EFNB2: variants seen among roughly 807,000 people sequenced by gnomAD.
EFNB2 encodes ephrin-B2.
Under a neutral mutation model 32.1 loss-of-function variants are expected in EFNB2, and 5 were observed. The observed-to-expected ratio is 0.16, with a 90% CI of 0.08 to 0.33. EFNB2 has a LOEUF of 0.33. EFNB2 is among the 10% of genes least tolerant of loss of function. EFNB2 has a pLI of 1.00. For missense variants in EFNB2, 263 were observed against 422.6 expected (o/e 0.62, Z 3.31); for synonymous variants, 168 against 166.5 (o/e 1.01, Z -0.07).
intron 2 of EFNB2, among the ~76,000 whole-genome samples, chr13:106,509,416 G>C (rs1419340633): frequency 6.6e-6 from 1 of 151,974 alleles, no homozygotes; most frequent in Non-Finnish European, 1.5e-5. Flanking sequence ...TCAGATTTGG[G>C]GTTAAACCCA....
intron 2 of EFNB2, among the ~76,000 whole-genome samples, chr13:106,506,910 G>C (rs750810731): frequency 2.0e-5 from 3 of 152,088 alleles, no homozygotes; most frequent in Non-Finnish European, 4.4e-5. Flanking sequence ...TCAGGAACTC[G>C]GGTCTTCCAG....
rs1056688578 is a variant in EFNB2, at chr13:106,490,758, A to G, written c.*2282T>C. 6.6e-6 allele frequency: 1 copy of G among 151,822 alleles called. No individual in the cohort carries two copies. The highest frequency in any genetic ancestry group is 2.4e-5 in the African/African-American group (1 of 41,250). The allele number at this position is 151,822 out of a possible 1,614,324, so 9.4% of individuals were successfully genotyped here. ...AATATGATATAGATATATATAATATATATTGTAGATATATATTATACATAT... is the reference window on the plus strand; with the variant it reads ...AATATGATATAGATATATATAATATGTATTGTAGATATATATTATACATAT... On this transcript the variant is annotated 3_prime_UTR_variant, in exon 5 of 5. Transcript: ENST00000646441.
chr13:106,500,587 C>CTG (rs1878742534), intron 2 of EFNB2, among the ~76,000 whole-genome samples: 1 of 152,190 alleles, frequency 6.6e-6, no homozygotes, highest in South Asian at 2.1e-4. Flanking sequence ...GTCATGAAAA[C>CTG]CACAGAGTCG....
rs558118969 is a variant in EFNB2 at position 106,492,961 on chromosome 13, G to A, written c.*79C>T. ...TGTGCTTCAGTCAATTCTCCAGCAC[G>A]CGGGCTCTCAAACCCTCAAGGGAGG... On this transcript the variant is annotated 3_prime_UTR_variant, in exon 5 of 5. Transcript: ENST00000646441. This position sits in a 1 kb window ranked among gnomAD's most constrained non-coding sequence, Gnocchi z 5.1. The A allele has an allele frequency of 1.4e-5, 21 of 1,508,966 alleles. No individual in the cohort carries two copies. The highest frequency in any genetic ancestry group is 6.9e-5 in the African/African-American group (5 of 72,692). The allele number at this position is 1,508,966 out of a possible 1,614,324, so 93.5% of individuals were successfully genotyped here. A position where few individuals can be genotyped will look rare whatever the true frequency, so the allele number is the denominator to read the frequency against.
chr13:106,527,877 G>A (rs974271564), intron 1 of EFNB2, among the ~76,000 whole-genome samples: 1 of 152,236 alleles, frequency 6.6e-6, no homozygotes, highest in African/African-American at 2.4e-5. Context: ...CTTTAACCCT[G>A]TTTCTGATAG....
At chr13:106,532,387 G>C (rs1190851837) in intron 1 of EFNB2, among the ~76,000 whole-genome samples, 3 of 152,162 alleles carry the variant, frequency 2.0e-5, no homozygotes, top group African/African-American at 7.2e-5. Flanking sequence ...CATTACAAAT[G>C]AATTGTTCCA....
chr13:106,531,393 G>C (rs1021999217), intron 1 of EFNB2, among the ~76,000 whole-genome samples: 1 of 152,216 alleles, frequency 6.6e-6, no homozygotes, highest in Non-Finnish European at 1.5e-5. Flanking sequence ...GAATGTGGAT[G>C]TGAAAGCACT....
chr13:106,532,825 G>T (rs979703569), intron 1 of EFNB2, among the ~76,000 whole-genome samples: 2 of 151,716 alleles, frequency 1.3e-5, no homozygotes, highest in African/African-American at 2.4e-5. Context: ...ATCAGAATGG[G>T]GGGGGGGAGT....
At position 106,492,799 on chromosome 13, in the gene EFNB2, T is replaced by G; in HGVS notation, c.*241A>C. ...GGAGACGTGGGACGCGGCACAGCAGTCCGAATGGGCGTCTTCTGCACAGTC... is the reference window on the plus strand; with the variant it reads ...GGAGACGTGGGACGCGGCACAGCAGGCCGAATGGGCGTCTTCTGCACAGTC... On this transcript the variant is annotated 3_prime_UTR_variant, in exon 5 of 5. Transcript: ENST00000646441. The surrounding 1 kb of genome is among the most constrained non-coding windows in gnomAD (Gnocchi z 5.1). 2 of 484,382 alleles carry G rather than the reference T, an allele frequency of 4.1e-6. No homozygotes were observed. The highest frequency in any genetic ancestry group is 7.3e-6 in the Non-Finnish European group (2 of 272,716). The allele number at this position is 484,382 out of a possible 1,614,324, so 30.0% of individuals were successfully genotyped here.
chr13:106,519,133 C>T (rs1164283841), intron 1 of EFNB2: 2 of 152,124 alleles, frequency 1.3e-5, no homozygotes, highest in Admixed American at 6.5e-5. Context: ...CAAACAGGAA[C>T]TACCAGTTTC....
At chr13:106,506,834 A>G (rs1878967770) in intron 2 of EFNB2, 1 of 152,210 alleles carries the variant, frequency 6.6e-6, no homozygotes, top group Admixed American at 6.5e-5. Flanking sequence ...AGGTGCTGTC[A>G]TTATCCCCAC....
rs756424821 is a variant in EFNB2, at chr13:106,493,031, G to C, written c.*9C>G. The C allele has an allele frequency of 1.3e-6, 2 of 1,597,388 alleles. No individual in the cohort carries two copies. The highest frequency in any genetic ancestry group is 1.7e-6 in the Non-Finnish European group (2 of 1,169,516). Reference sequence around the variant, plus strand: ...CTCTGGGAAAGCACAGGTACCACCAGGGTCCCTCTCAGACCTTGTAGTAAA... The same window carrying C: ...CTCTGGGAAAGCACAGGTACCACCACGGTCCCTCTCAGACCTTGTAGTAAA... On this transcript the variant is annotated 3_prime_UTR_variant, in exon 5 of 5. Transcript: ENST00000646441. This position sits in a 1 kb window ranked among gnomAD's most constrained non-coding sequence, Gnocchi z 6.1.
intron 4 of EFNB2, among the ~76,000 whole-genome samples, chr13:106,494,445 T>A (rs1354293900): frequency 6.6e-6 from 1 of 152,188 alleles, no homozygotes; most frequent in Admixed American, 6.5e-5. Context: ...AAAATACTAT[T>A]ATGCAATATT....
In EFNB2 at chr13:106,493,380, A is replaced by C; in HGVS notation, c.662T>G (p.Leu221Arg). 6.2e-7 allele frequency: 1 copy of C among 1,614,088 alleles called. No individual in the cohort carries two copies. The highest frequency in any genetic ancestry group is 8.5e-7 in the Non-Finnish European group (1 of 1,179,972). ...NSAGHSGNNI[L>R]GSEVALFAGI... ...TGCAAATAAGGCCACTTCGGAACCG[A>C]GGATGTTGTTCCCCGAATGTCCGGC... is the stretch of plus-strand genomic sequence containing the variant. The change falls in exon 5 of 5, where the codon CTC becomes CGC. Residue 221 changes from leucine to arginine, a missense_variant. By Grantham distance (102) the Leu-to-Arg change is moderately radical. Around this residue, in one of 3 missense-constraint regions of EFNB2, gnomAD observed 172 missense variants for 237.1 expected, o/e 0.73. Transcript: ENST00000646441. The surrounding 1 kb of genome is among the most constrained non-coding windows in gnomAD (Gnocchi z 6.1).
intron 1 of EFNB2, among the ~76,000 whole-genome samples, chr13:106,527,185 G>C (rs1381490040): frequency 6.6e-6 from 1 of 152,074 alleles, no homozygotes; most frequent in African/African-American, 2.4e-5. Context: ...GCAAGTATGG[G>C]AAGGCAGATA....
At chr13:106,510,462 A>G (rs567250168) in intron 2 of EFNB2, among the ~76,000 whole-genome samples, 1 of 152,370 alleles carries the variant, frequency 6.6e-6, no homozygotes, top group East Asian at 1.9e-4. Context: ...TCGTGAAGTC[A>G]TAAGCTAAAG....
intron 1 of EFNB2, among the ~76,000 whole-genome samples, chr13:106,514,771 A>C (rs949908065): frequency 7.9e-5 from 12 of 152,146 alleles, no homozygotes; most frequent in Non-Finnish European, 1.6e-4. Context: ...GCACTATATA[A>C]GGGTTAGCTA....
At position 106,492,991 on chromosome 13, in the gene EFNB2, G is replaced by T. The variant is rs771536266; in HGVS notation, c.*49C>A. ...CTCTCAAACCCTCAAGGGAGGCATCGGGACATTAGGTGTCCTCTGGGAAAG... is the reference window on the plus strand; with the variant it reads ...CTCTCAAACCCTCAAGGGAGGCATCTGGACATTAGGTGTCCTCTGGGAAAG... On this transcript the variant is annotated 3_prime_UTR_variant, in exon 5 of 5. Coordinates refer to ENST00000646441, the MANE Select transcript of EFNB2 (RefSeq NM_004093.4). The surrounding 1 kb of genome is among the most constrained non-coding windows in gnomAD (Gnocchi z 5.1). 1 of 1,549,392 alleles carries T rather than the reference G, an allele frequency of 6.5e-7. No homozygotes were observed. The highest frequency in any genetic ancestry group is 8.7e-7 in the Non-Finnish European group (1 of 1,147,024).
At position 106,493,230 on chromosome 13, in the gene EFNB2, G is replaced by A; in HGVS notation, c.812C>T (p.Thr271Ile). ...PQHTTTLSLS[T>I]LATPKRSGNN... ...GCCGCTGCGCTTGGGTGTGGCCAGTGTGCTGAGCGACAGCGTGGTCGTGTG... is the reference window on the plus strand; with the variant it reads ...GCCGCTGCGCTTGGGTGTGGCCAGTATGCTGAGCGACAGCGTGGTCGTGTG... The change falls in exon 5 of 5, where the codon ACA (threonine) becomes ATA (isoleucine). Residue 271 changes from threonine to isoleucine, a missense_variant. Thr to Ile is a moderately conservative substitution (Grantham distance 89, BLOSUM62 -1). Coordinates refer to ENST00000646441, the MANE Select transcript of EFNB2 (RefSeq NM_004093.4). The surrounding 1 kb of genome is among the most constrained non-coding windows in gnomAD (Gnocchi z 6.1). 1 of 1,614,200 alleles carries A rather than the reference G, an allele frequency of 6.2e-7. No homozygotes were observed. Among genetic ancestry groups the A allele is most frequent in the Non-Finnish European group, 8.5e-7 (1 of 1,180,038 alleles).
Sources: gnomAD v4.1 joint callset for allele counts (sites outside exome capture counted in the v4.1 genomes callset) on GRCh38, gnomAD v4.1.1 for gene constraint, gnomAD v4.1.1 regional missense constraint, Gnocchi (gnomAD v3.1) non-coding constraint, MANE v1.5 for transcripts, NCBI Gene and HGNC (gene_info 2026-07-23, HGNC 2026-07-21) for gene names.